The following CACNB4 variants were observed in gnomAD, a reference collection of about 807,000 sequenced individuals.
CACNB4 encodes the protein calcium voltage-gated channel auxiliary subunit beta 4, also known as voltage-dependent L-type calcium channel subunit beta-4.
CACNB4 carries 32 observed loss-of-function variants against 71.2 expected under a neutral mutation model. That is an observed-to-expected ratio of 0.45 (90% CI 0.34 to 0.60). The LOEUF (loss-of-function observed/expected upper bound fraction) is 0.60. Ranked by LOEUF, CACNB4 falls within the 20% of genes least tolerant of loss-of-function variation. The pLI is 0.01. For missense variants in CACNB4, 464 were observed against 647.9 expected (o/e 0.72, Z 3.08); for synonymous variants, 231 against 236.9 (o/e 0.97, Z 0.23).
intron 12 of CACNB4, among the ~76,000 whole-genome samples, chr2:151,849,296 T>C (rs986525689): frequency 2.6e-5 from 4 of 152,320 alleles, no homozygotes; most frequent in Admixed American, 2.0e-4. Flanking sequence ...AATGTCTCAC[T>C]CTGTCGGGTA....
chr2:152,082,676 A>G (rs1687426450), intron 2 of CACNB4, among the ~76,000 whole-genome samples: 1 of 152,196 alleles, frequency 6.6e-6, no homozygotes, highest in South Asian at 2.1e-4. Flanking sequence ...AGGCCTTAAG[A>G]AGTATTCATT....
At chr2:152,006,371 C>T (rs181155308) in intron 2 of CACNB4, among the ~76,000 whole-genome samples, 128 of 151,652 alleles carry the variant, frequency 8.4e-4, no homozygotes, top group African/African-American at 2.6e-3. Context: ...TTGATGCCCC[C>T]GTTCCATATC....
At chr2:152,014,787 G>T (rs1041829717) in intron 2 of CACNB4, among the ~76,000 whole-genome samples, 1 of 151,730 alleles carries the variant, frequency 6.6e-6, no homozygotes, top group African/African-American at 2.4e-5. Context: ...TTAAAAAAAA[G>T]TCTTGTTGGC....
intron 2 of CACNB4, among the ~76,000 whole-genome samples, chr2:151,952,617 G>C (rs1461119054): frequency 6.6e-6 from 1 of 152,180 alleles, no homozygotes; most frequent in African/African-American, 2.4e-5. Flanking sequence ...AACGCTAGAG[G>C]CTCCAAATAA....
At chr2:152,047,400 C>T (rs1444006406) in intron 2 of CACNB4, among the ~76,000 whole-genome samples, 3 of 152,140 alleles carry the variant, frequency 2.0e-5, no homozygotes, top group Non-Finnish European at 1.5e-5. Flanking sequence ...TCCTGCTGAC[C>T]CCAAGTTTTC....
chr2:151,883,332 G>C lies in CACNB4; in HGVS notation c.186C>G (p.Ser62=). 1 of 1,613,736 alleles carries C rather than the reference G, an allele frequency of 6.2e-7. No individual in the cohort carries two copies. Among genetic ancestry groups the C allele is most frequent in the East Asian group, 2.2e-5 (1 of 44,876 alleles). The change falls in exon 3 of 14, where the codon TCC becomes TCG. Residue 62 remains serine (S), a synonymous_variant. Transcript: ENST00000539935. ...CCCGGTCCTCTTCCAAAGAGACATC[G>C]GAGTCAGACGGCCTGCTTGTGTAGG... is the stretch of plus-strand genomic sequence containing the variant. ...ADSYTSRPSD[S]DVSLEEDREA...
chr2:151,982,437 T>C (rs779885433), intron 2 of CACNB4, among the ~76,000 whole-genome samples: 2 of 151,876 alleles, frequency 1.3e-5, no homozygotes, highest in Non-Finnish European at 2.9e-5. Flanking sequence ...ATTTAGACCA[T>C]CCTGGCTAAC....
At position 151,876,418 on chromosome 2, in the gene CACNB4, G is replaced by C; in HGVS notation, c.521+8C>G. 2.5e-6 allele frequency: 4 copies of C among 1,596,302 alleles called. No individual in the cohort carries two copies. Among genetic ancestry groups the C allele is most frequent in the Non-Finnish European group, 3.4e-6 (4 of 1,168,980 alleles). Reference sequence around the variant, plus strand: ...AAAAAAAAGTGCATAGAAAAGATGGGAACGTACCCTCCGTGAAAACGTCCT... The same window carrying C: ...AAAAAAAAGTGCATAGAAAAGATGGCAACGTACCCTCCGTGAAAACGTCCT... On this transcript the variant is annotated splice_region_variant and intron_variant, in intron 5 of 13. Transcript: ENST00000539935.
intron 2 of CACNB4, among the ~76,000 whole-genome samples, chr2:152,060,728 C>T (rs1405740807): frequency 6.6e-6 from 1 of 152,248 alleles, no homozygotes; most frequent in South Asian, 2.1e-4. Flanking sequence ...AAGTTAAATA[C>T]ATCACGGTAC....
chr2:151,840,931 C>G (rs2099836054), intron 13 of CACNB4, among the ~76,000 whole-genome samples: 1 of 152,158 alleles, frequency 6.6e-6, no homozygotes, highest in Non-Finnish European at 1.5e-5. Context: ...GAAAGGCAGG[C>G]TCATTTTGTA....
chr2:151,880,120 T>C (rs753557132), intron 4 of CACNB4: 16 of 152,290 alleles, frequency 1.1e-4, no homozygotes, highest in Non-Finnish European at 2.2e-4. Flanking sequence ...ATGGTTGAAG[T>C]TGATGGGTCC....
At chr2:151,875,800 G>GC (rs2099845976) in intron 5 of CACNB4, among the ~76,000 whole-genome samples, 2 of 120,608 alleles carry the variant, frequency 1.7e-5, no homozygotes, top group African/African-American at 7.0e-5. Context: ...GCAGGGGGCT[G>GC]ACCCCCCACC....
intron 2 of CACNB4, among the ~76,000 whole-genome samples, chr2:151,965,008 A>G (rs751433425): frequency 3.9e-5 from 6 of 152,228 alleles, no homozygotes; most frequent in Non-Finnish European, 7.3e-5. Context: ...CAACATGATC[A>G]AGTGAGATGA....
At chr2:152,075,377 C>T (rs896855131) in intron 2 of CACNB4, among the ~76,000 whole-genome samples, 1 of 152,096 alleles carries the variant, frequency 6.6e-6, no homozygotes, top group African/African-American at 2.4e-5. Flanking sequence ...CATATCACTG[C>T]AAAACAATGT....
chr2:151,908,808 G>C (rs1218542272), intron 2 of CACNB4, among the ~76,000 whole-genome samples: 1 of 152,124 alleles, frequency 6.6e-6, no homozygotes, highest in Non-Finnish European at 1.5e-5. Flanking sequence ...AAGGTTATCA[G>C]GCACAGGACT....
intron 2 of CACNB4, among the ~76,000 whole-genome samples, chr2:151,901,561 T>G (rs940172939): frequency 1.3e-5 from 2 of 151,722 alleles, no homozygotes; most frequent in African/African-American, 4.8e-5. Context: ...AAATTACAAT[T>G]AGAAAAAAAA....
intron 2 of CACNB4, among the ~76,000 whole-genome samples, chr2:152,035,943 G>A (rs1165906726): frequency 5.3e-5 from 8 of 152,112 alleles, no homozygotes; most frequent in Admixed American, 3.9e-4. Context: ...ATCTATGCAT[G>A]AATGGATAAA....
rs2709764 is a variant in CACNB4 at position 152,017,022 on chromosome 2, G to C, written c.147+81308C>G. Among the ~76,000 whole-genome samples, 486 of 139,198 alleles carry C rather than the reference G, an allele frequency of 3.5e-3. 56 individuals carry two copies. The highest frequency in any genetic ancestry group is 0.016 in the African/African-American group (451 of 29,078). The allele number at this position is 139,198 out of a possible 152,430, so 91.3% of individuals were successfully genotyped here. A position where few individuals can be genotyped will look rare whatever the true frequency, so the allele number is the denominator to read the frequency against. On this transcript the variant is annotated intron_variant, in intron 2 of 13. Transcript: ENST00000539935. ...AGTTTAACCCAGGTGTTGCTCTTTAGAGTTTGCACTTTTAACCACTAGGCT... is the reference window on the plus strand; with the variant it reads ...AGTTTAACCCAGGTGTTGCTCTTTACAGTTTGCACTTTTAACCACTAGGCT...
intron 2 of CACNB4, chr2:151,972,069 C>CAAAAAAAA (rs56104858): frequency 9.0e-6 from 1 of 110,770 alleles, no homozygotes; most frequent in Non-Finnish European, 1.8e-5. Context: ...GACCCAAAGG[C>CAAAAAAAA]AAAAAAAAAA....
Sources: allele counts gnomAD v4.1 joint callset (sites outside exome capture counted in the v4.1 genomes callset), GRCh38; gene constraint gnomAD v4.1.1; transcripts MANE v1.5; gene names NCBI Gene and HGNC (gene_info 2026-07-23, HGNC 2026-07-21).